Variants in INSYN2B observed in about 807,000 individuals in gnomAD.
INSYN2B encodes the protein inhibitory synaptic factor family member 2B.
Under a neutral mutation model 41.2 loss-of-function variants are expected in INSYN2B, and 16 were observed. The observed-to-expected ratio is 0.39, with a 90% CI of 0.26 to 0.59. INSYN2B has a LOEUF of 0.59. INSYN2B is among the 20% of genes least tolerant of loss of function. The pLI is 0.57. For missense variants in INSYN2B, 608 were observed against 646.4 expected (o/e 0.94, Z 0.64); for synonymous variants, 245 against 244.4 (o/e 1.00, Z -0.02).
At chr5:169,971,380 G>A (rs1344806576) in intron 1 of INSYN2B, among the ~76,000 whole-genome samples, 1 of 151,638 alleles carries the variant, frequency 6.6e-6, no homozygotes, top group East Asian at 1.9e-4. Context: ...TGGCACGTGA[G>A]CCCTAGGAAT....
At chr5:169,895,280 T>C (rs1773531127) in intron 1 of INSYN2B, among the ~76,000 whole-genome samples, 1 of 152,174 alleles carries the variant, frequency 6.6e-6, no homozygotes. Context: ...CTTTCCTCCC[T>C]TCCTTTCTCT....
At chr5:169,966,118 G>A (rs573465393) in intron 1 of INSYN2B, among the ~76,000 whole-genome samples, 1 of 152,302 alleles carries the variant, frequency 6.6e-6, no homozygotes, top group East Asian at 1.9e-4. Context: ...GAAGTTGTAA[G>A]GCCTTTAAAA....
At chr5:169,929,741 CAAAAAAAA>C (rs1211612989) in intron 1 of INSYN2B, among the ~76,000 whole-genome samples, 2 of 62,960 alleles carry the variant, frequency 3.2e-5, no homozygotes, top group African/African-American at 5.5e-5. Flanking sequence ...GACCCTGTCT[CAAAAAAAA>C]AAAAAAAAAA....
At chr5:169,881,951 A>G (rs942505052) in intron 2 of INSYN2B, among the ~76,000 whole-genome samples, 3 of 152,176 alleles carry the variant, frequency 2.0e-5, no homozygotes, top group Non-Finnish European at 2.9e-5. Context: ...TTTTCCTCCT[A>G]TACTGGTGCT....
At chr5:169,902,812 G>A (rs902374357) in intron 1 of INSYN2B, among the ~76,000 whole-genome samples, 2 of 152,170 alleles carry the variant, frequency 1.3e-5, no homozygotes, top group African/African-American at 4.8e-5. Context: ...TAAAAGAAAG[G>A]GGTGAGGCCA....
intron 1 of INSYN2B, among the ~76,000 whole-genome samples, chr5:169,930,088 T>C (rs1201393621): frequency 2.0e-5 from 3 of 152,166 alleles, no homozygotes; most frequent in African/African-American, 4.8e-5. Context: ...CCTCCTGGGT[T>C]CCGGTGATTC....
intron 1 of INSYN2B, among the ~76,000 whole-genome samples, chr5:169,901,765 T>C (rs1447296791): frequency 2.0e-5 from 3 of 152,240 alleles, no homozygotes; most frequent in African/African-American, 7.2e-5. Context: ...CCTAGAATGA[T>C]GGCTTCTAAT....
intron 1 of INSYN2B, among the ~76,000 whole-genome samples, chr5:169,966,607 G>T (rs1777309744): frequency 6.6e-6 from 1 of 152,256 alleles, no homozygotes; most frequent in Admixed American, 6.5e-5. Context: ...CTCAGCATAG[G>T]ACCTGGCTCC....
At chr5:169,874,045 T>G (rs1224559938) in intron 3 of INSYN2B, among the ~76,000 whole-genome samples, 1 of 152,146 alleles carries the variant, frequency 6.6e-6, no homozygotes, top group Non-Finnish European at 1.5e-5. Context: ...GCAGAGAATC[T>G]CCTTTACAGA....
chr5:169,973,358 A>G (rs987447603), intron 1 of INSYN2B, among the ~76,000 whole-genome samples: 1 of 152,162 alleles, frequency 6.6e-6, no homozygotes, highest in African/African-American at 2.4e-5. Flanking sequence ...CTGATCACAG[A>G]CTGTTCCTGG....
chr5:169,979,222 A>G (rs1212687822), intron 1 of INSYN2B, among the ~76,000 whole-genome samples: 1 of 152,170 alleles, frequency 6.6e-6, no homozygotes, highest in Non-Finnish European at 1.5e-5. Flanking sequence ...TCGAGCTCCT[A>G]CACTGTAAAG....
intron 2 of INSYN2B, among the ~76,000 whole-genome samples, chr5:169,882,087 T>C (rs1737852597): frequency 1.3e-5 from 2 of 152,180 alleles, no homozygotes; most frequent in African/African-American, 4.8e-5. Flanking sequence ...GTCATCAAAG[T>C]AGTCAGTACA....
intron 3 of INSYN2B, among the ~76,000 whole-genome samples, chr5:169,871,929 A>G (rs972783708): frequency 6.6e-6 from 1 of 152,190 alleles, no homozygotes; most frequent in East Asian, 1.9e-4. Context: ...TGAAGATAAT[A>G]TCTGGGGTCA....
intron 1 of INSYN2B, among the ~76,000 whole-genome samples, chr5:169,908,321 G>A (rs969424496): frequency 6.6e-6 from 1 of 151,844 alleles, no homozygotes; most frequent in African/African-American, 2.4e-5. Flanking sequence ...AAGCACATGC[G>A]ATTCTTGTGT....
At chr5:169,977,308 T>C (rs1327093652) in intron 1 of INSYN2B, among the ~76,000 whole-genome samples, 1 of 152,226 alleles carries the variant, frequency 6.6e-6, no homozygotes, top group Non-Finnish European at 1.5e-5. Context: ...GTGCTTGATG[T>C]GTCCATAGAT....
At position 169,881,984 on chromosome 5, in the gene INSYN2B, G is replaced by A. The variant is rs540207412; in HGVS notation, c.1347-542C>T. Among the ~76,000 whole-genome samples, 4 of 152,312 alleles carry A rather than the reference G, an allele frequency of 2.6e-5. No individual in the cohort carries two copies. The South Asian group carries it at 8.3e-4, about 32-fold the overall frequency. Reference sequence around the variant, plus strand: ...GCTGAGTCACCCAGGAAAGCATTTTGTGACTTTTTTTCTCTTTGCCGAAAA... The same window carrying A: ...GCTGAGTCACCCAGGAAAGCATTTTATGACTTTTTTTCTCTTTGCCGAAAA... On this transcript the variant is annotated intron_variant, in intron 2 of 3. Coordinates refer to ENST00000377365, the MANE Select transcript of INSYN2B (RefSeq NM_001129891.3).
chr5:169,877,108 T>G (rs1441735314), intron 3 of INSYN2B, among the ~76,000 whole-genome samples: 1 of 152,000 alleles, frequency 6.6e-6, no homozygotes, highest in Non-Finnish European at 1.5e-5. Flanking sequence ...CTAAGAAATA[T>G]CCACACAAAG....
intron 1 of INSYN2B, among the ~76,000 whole-genome samples, chr5:169,926,884 A>G (rs1005632377): frequency 6.6e-6 from 1 of 152,238 alleles, no homozygotes; most frequent in African/African-American, 2.4e-5. Flanking sequence ...AGACCAGTAC[A>G]TGAAAAATAA....
At chr5:169,916,320 A>G (rs1024517441) in intron 1 of INSYN2B, among the ~76,000 whole-genome samples, 7 of 152,194 alleles carry the variant, frequency 4.6e-5, no homozygotes, top group Non-Finnish European at 1.0e-4. Context: ...ACATGCATGG[A>G]TCTAAGGAAC....
Sources: allele counts gnomAD v4.1 joint callset (sites outside exome capture counted in the v4.1 genomes callset), GRCh38; gene constraint gnomAD v4.1.1; transcripts MANE v1.5; gene names NCBI Gene and HGNC (gene_info 2026-07-23, HGNC 2026-07-21).